The following PARD3B variants were observed in gnomAD, a reference collection of about 807,000 sequenced individuals.
The protein encoded by PARD3B is par-3 family cell polarity regulator beta, also known as partitioning defective 3 homolog B.
In PARD3B, 103 loss-of-function variants were observed where a neutral mutation model predicts 130.2. The observed-to-expected ratio is 0.79, with a 90% CI of 0.67 to 0.93. The LOEUF (loss-of-function observed/expected upper bound fraction) is 0.93. PARD3B is among the 40% of genes least tolerant of loss of function. The pLI, the probability that PARD3B is intolerant of heterozygous loss-of-function variation, is 0.00. For synonymous variants in PARD3B, 583 were observed against 553.2 expected, an observed-to-expected ratio of 1.05 and a Z score of -0.76; for missense variants, 1,609 against 1,499.2, an observed-to-expected ratio of 1.07 and a Z score of -1.21.
chr2:204,996,355 GTGCCCC>G (rs1694175727), intron 3 of PARD3B, among the ~76,000 whole-genome samples: 1 of 152,080 alleles, frequency 6.6e-6, no homozygotes, highest in African/African-American at 2.4e-5. Flanking sequence ...AGGTGTCAGT[GTGCCCC>G]TGCTGGGGGG....
intron 2 of PARD3B, among the ~76,000 whole-genome samples, chr2:204,734,584 A>C (rs2039662837): frequency 6.6e-6 from 1 of 152,180 alleles, no homozygotes; most frequent in South Asian, 2.1e-4. Flanking sequence ...TGGAACAACT[A>C]CTTTTACATG....
Position 205,241,900 on chromosome 2 carries a change from A to T in PARD3B, c.2141-3878A>T, listed in dbSNP as rs865889173. ...ATAATTTTAATAGTAGCTCTAAGTT[A>T]ATGTGAGTTATAAAGGAAGTTGGTA... On this transcript the variant is annotated intron_variant, in intron 15 of 22. Transcript: ENST00000406610. The surrounding 1 kb of genome is among the most constrained non-coding windows in gnomAD (Gnocchi z 4.2). Among the ~76,000 whole-genome samples, 1 of 152,304 alleles carries T rather than the reference A, an allele frequency of 6.6e-6. No homozygotes were observed. Among genetic ancestry groups the T allele is most frequent in the African/African-American group, 2.4e-5 (1 of 41,574 alleles).
chr2:205,429,065 A>G (rs919433446), intron 19 of PARD3B, among the ~76,000 whole-genome samples: 2 of 152,220 alleles, frequency 1.3e-5, no homozygotes, highest in Admixed American at 6.5e-5. Context: ...AGCTCATACA[A>G]TGCAGTCTCT....
In PARD3B at chr2:204,600,860, G is replaced by T. The variant is rs1304456845; in HGVS notation, c.120+54741G>T. Among the ~76,000 whole-genome samples the T allele has an allele frequency of 2.6e-5, 4 of 151,832 alleles. No homozygotes were observed. In the South Asian group the frequency reaches 6.2e-4, roughly 24 times the overall value. ...GTAATATATATACATAATATTAAAT[G>T]ATTGTCATGTGTGGACTTACTGAGC... On this transcript the variant is annotated intron_variant, in intron 1 of 22. Coordinates refer to ENST00000406610, the MANE Select transcript of PARD3B (RefSeq NM_001302769.2).
Position 205,276,288 on chromosome 2 carries a change from C to T in PARD3B, c.2186-24242C>T, listed in dbSNP as rs1405960741. 6.6e-6 allele frequency among the ~76,000 whole-genome samples: 1 copy of T among 152,226 alleles called. No homozygotes were observed. The highest frequency in any genetic ancestry group is 2.4e-5 in the African/African-American group (1 of 41,458). On this transcript the variant is annotated intron_variant, in intron 16 of 22. Coordinates refer to ENST00000406610, the MANE Select transcript of PARD3B (RefSeq NM_001302769.2). The surrounding 1 kb of genome is among the most constrained non-coding windows in gnomAD (Gnocchi z 5.0). ...GAGCCAGCAGGGCGCCTGGTGCTGA[C>T]AGCCTTGGCAAACAACCTAGAGAGA...
intron 4 of PARD3B, among the ~76,000 whole-genome samples, chr2:205,100,454 TG>T (rs1702694534): frequency 1.3e-5 from 2 of 151,644 alleles, no homozygotes; most frequent in Non-Finnish European, 2.9e-5. Flanking sequence ...AAAACCCAAC[TG>T]TTTTTTTTTT....
chr2:204,826,951 TGAAG>T (rs1415693756), intron 2 of PARD3B, among the ~76,000 whole-genome samples: 1 of 152,150 alleles, frequency 6.6e-6, no homozygotes, highest in Non-Finnish European at 1.5e-5. Flanking sequence ...GCCCAGGAGT[TGAAG>T]GCTGTAGTGA....
At chr2:204,648,359 C>T (rs1042135955) in intron 1 of PARD3B, among the ~76,000 whole-genome samples, 2 of 150,494 alleles carry the variant, frequency 1.3e-5, no homozygotes, top group African/African-American at 4.9e-5. Context: ...ATTAGATGCC[C>T]ACTGGTGGTA....
In PARD3B at chr2:205,408,352, G is replaced by T. The variant is rs10195354; in HGVS notation, c.2741+7229G>T. The stretch of plus-strand genomic sequence containing the variant: ...CATTTATAGTTTGAGAATTCAAGTG[G>T]GTGAAAATCTATTCCCAACCTCTCA... On this transcript the variant is annotated intron_variant, in intron 19 of 22. Coordinates refer to ENST00000406610, the MANE Select transcript of PARD3B (RefSeq NM_001302769.2). 8.8e-3 allele frequency among the ~76,000 whole-genome samples: 1,346 copies of T among 152,172 alleles called. 12 individuals are homozygous for T. Among genetic ancestry groups the T allele is most frequent in the African/African-American group, 0.03 (1,260 of 41,524 alleles).
chr2:205,466,970 A>T (rs963015776), intron 20 of PARD3B, among the ~76,000 whole-genome samples: 1 of 152,184 alleles, frequency 6.6e-6, no homozygotes, highest in Non-Finnish European at 1.5e-5. Context: ...ACCTTGGCCT[A>T]CCAAAGTGCT....
At chr2:205,085,296 T>G (rs952813991) in intron 4 of PARD3B, among the ~76,000 whole-genome samples, 2 of 152,088 alleles carry the variant, frequency 1.3e-5, no homozygotes, top group Admixed American at 1.3e-4. Flanking sequence ...TGTATCTTGC[T>G]GCCTTTCAAT....
intron 13 of PARD3B, among the ~76,000 whole-genome samples, chr2:205,179,371 G>C (rs1306206281): frequency 6.7e-6 from 1 of 148,502 alleles, no homozygotes; most frequent in Non-Finnish European, 1.5e-5. Context: ...GTGTACAGTA[G>C]TGTTTTAGGC....
At chr2:205,148,770 T>A (rs745893857) in intron 10 of PARD3B, among the ~76,000 whole-genome samples, 8 of 152,264 alleles carry the variant, frequency 5.3e-5, no homozygotes, top group South Asian at 2.1e-4. Context: ...GTTTTGGTAA[T>A]TGACAAAATG....
Position 205,231,501 on chromosome 2 carries a change from ATT to A in PARD3B, c.2141-14262_2141-14261del, listed in dbSNP as rs1278709655. Among the ~76,000 whole-genome samples the A allele has an allele frequency of 5.0e-3, 656 of 130,596 alleles. 2 individuals are homozygous for A. The highest frequency in any genetic ancestry group is 0.017 in the African/African-American group (594 of 35,428). 85.7% of individuals were successfully genotyped at this position (130,596 alleles called of 152,430 possible). A position where few individuals can be genotyped will look rare whatever the true frequency, so the allele number is the denominator to read the frequency against. On this transcript the variant is annotated intron_variant, in intron 15 of 22. Coordinates refer to ENST00000406610, the MANE Select transcript of PARD3B (RefSeq NM_001302769.2). ...AACACCATGCCCAACTAATTTTTGTATTTTTTTTTTTTTTTTGTAGAGATGGG... is the reference window on the plus strand; with the variant it reads ...AACACCATGCCCAACTAATTTTTGTATTTTTTTTTTTTTTGTAGAGATGGG...
chr2:205,055,983 T>C (rs1382292681), intron 4 of PARD3B, among the ~76,000 whole-genome samples: 1 of 152,134 alleles, frequency 6.6e-6, no homozygotes, highest in Non-Finnish European at 1.5e-5. Context: ...ATAGTCATGT[T>C]ATCGTAAAGT....
chr2:205,482,028 C>T (rs887867185), intron 20 of PARD3B, among the ~76,000 whole-genome samples: 1 of 152,140 alleles, frequency 6.6e-6, no homozygotes, highest in African/African-American at 2.4e-5. Flanking sequence ...GAGGTGTGTC[C>T]TCATGCAGGC....
intron 11 of PARD3B, among the ~76,000 whole-genome samples, chr2:205,167,104 G>A (rs1430877639): frequency 6.6e-6 from 1 of 152,110 alleles, no homozygotes; most frequent in African/African-American, 2.4e-5. Flanking sequence ...GAGGTAACAG[G>A]GCAGTTGAGG....
chr2:204,737,946 T>C (rs1484635658), intron 2 of PARD3B, among the ~76,000 whole-genome samples: 3 of 152,332 alleles, frequency 2.0e-5, no homozygotes, highest in African/African-American at 7.2e-5. Flanking sequence ...TTTATACCAG[T>C]ACCATGCTGT....
At chr2:204,699,883 T>C (rs569964742) in intron 2 of PARD3B, among the ~76,000 whole-genome samples, 1 of 152,268 alleles carries the variant, frequency 6.6e-6, no homozygotes, top group African/African-American at 2.4e-5. Flanking sequence ...TGTATTCTTA[T>C]ATATAATGCA....
Sources: gnomAD v4.1 joint callset for allele counts (sites outside exome capture counted in the v4.1 genomes callset) on GRCh38, gnomAD v4.1.1 for gene constraint, Gnocchi (gnomAD v3.1) non-coding constraint, MANE v1.5 for transcripts, NCBI Gene and HGNC (gene_info 2026-07-23, HGNC 2026-07-21) for gene names.